The following SLC6A5 variants were observed in gnomAD, a reference collection of about 807,000 sequenced individuals.
SLC6A5 encodes the protein solute carrier family 6 member 5, also known as sodium- and chloride-dependent glycine transporter 2.
A neutral mutation model predicts 90.5 loss-of-function variants in SLC6A5; 58 were observed. That is an observed-to-expected ratio of 0.64 (90% CI 0.52 to 0.80). The LOEUF (loss-of-function observed/expected upper bound fraction) is 0.80. SLC6A5 is among the 30% of genes least tolerant of loss of function. The pLI is 0.00. For synonymous variants in SLC6A5, 427 were observed against 401.4 expected, an observed-to-expected ratio of 1.06 and a Z score of -0.76; for missense variants, 1,015 against 1,017.6, an observed-to-expected ratio of 1.00 and a Z score of 0.03.
At chr11:20,631,709 C>T (rs2133804036) in intron 10 of SLC6A5, among the ~76,000 whole-genome samples, 1 of 152,270 alleles carries the variant, frequency 6.6e-6, no homozygotes, top group East Asian at 1.9e-4. Flanking sequence ...TCATGTGCCT[C>T]ATGCTGTGGG....
intron 6 of SLC6A5, among the ~76,000 whole-genome samples, chr11:20,616,595 A>T (rs1852787096): frequency 6.6e-6 from 1 of 152,186 alleles, no homozygotes; most frequent in South Asian, 2.1e-4. Context: ...GGCATGGGAC[A>T]TGGGGAAGGT....
intron 7 of SLC6A5, among the ~76,000 whole-genome samples, chr11:20,618,878 G>A (rs1196174601): frequency 6.6e-5 from 10 of 151,768 alleles, no homozygotes; most frequent in East Asian, 1.9e-4. Context: ...CGGAGATTGC[G>A]GTGAGCTAAG....
At chr11:20,636,190 G>A in intron 10 of SLC6A5, 117 bp from the exon 11 acceptor site, 1 of 728,304 alleles carries the variant, frequency 1.4e-6, no homozygotes, top group Non-Finnish European at 2.5e-6. Context: ...ACCAACAGTG[G>A]AAGCAGCATA....
Position 20,607,093 on chromosome 11 carries a change from A to G in SLC6A5, c.766A>G (p.Ser256Gly), listed in dbSNP as rs1009087974. 1.1e-5 allele frequency: 17 copies of G among 1,613,970 alleles called. No individual in the cohort carries two copies. The African/African-American group carries it at 1.9e-4, about 18-fold the overall frequency. The part of the protein sequence containing the change: ...FLEVSLGQFA[S>G]QGPVSVWKAI... ...GGAGGTGTCGCTGGGCCAGTTTGCCAGCCAGGGACCAGTGTCTGTGTGGAA... is the reference window on the plus strand; with the variant it reads ...GGAGGTGTCGCTGGGCCAGTTTGCCGGCCAGGGACCAGTGTCTGTGTGGAA... The change falls in exon 4 of 16, where the codon AGC becomes GGC. Residue 256 changes from serine (S) to glycine (G), a missense_variant. Around this residue, in one of 3 missense-constraint regions of SLC6A5, gnomAD observed 567 missense variants for 507.3 expected, o/e 1.12. Transcript: ENST00000525748.
rs764151161 is a variant in SLC6A5 at position 20,601,250 on chromosome 11, C to CG, written c.127dup (p.Ala43GlyfsTer31). 2 of 1,583,206 alleles carry CG rather than the reference C, an allele frequency of 1.3e-6. No individual in the cohort carries two copies. The highest frequency in any genetic ancestry group is 1.7e-6 in the Non-Finnish European group (2 of 1,172,344). On this transcript the variant is annotated frameshift_variant, in exon 2 of 16. Coordinates refer to ENST00000525748, the MANE Select transcript of SLC6A5 (RefSeq NM_004211.5). LOFTEE classifies it high-confidence loss of function. The stretch of plus-strand genomic sequence containing the variant: ...ACGAGCCCGGAGCAGGAGCTTCCCG[C>CG]GGCTGCCGCCCCGCCGCCGCCACGT...
chr11:20,626,756 C>T lies in SLC6A5; in HGVS notation c.1309C>T (p.Leu437Phe). 1 of 1,614,092 alleles carries T rather than the reference C, an allele frequency of 6.2e-7. No individual in the cohort carries two copies. Among genetic ancestry groups the T allele is most frequent in the South Asian group, 1.1e-5 (1 of 91,074 alleles). The change falls in exon 8 of 16, where the codon CTC becomes TTC. Residue 437 changes from leucine (L) to phenylalanine (F), a missense_variant. Coordinates refer to ENST00000525748, the MANE Select transcript of SLC6A5 (RefSeq NM_004211.5). ...CCCGTATGTCGTACTCGTGATCCTC[C>T]TCATCCGAGGAGTCACCCTGCCTGG... ...TFPYVVLVIL[L>F]IRGVTLPGAG... is the part of the protein sequence containing the mutation.
intron 10 of SLC6A5, among the ~76,000 whole-genome samples, chr11:20,632,479 C>T (rs141915283): frequency 1.7e-4 from 26 of 152,194 alleles, no homozygotes; most frequent in African/African-American, 5.5e-4. Context: ...TTCTCCTTTC[C>T]AATGTTTTTT....
intron 10 of SLC6A5, among the ~76,000 whole-genome samples, 198 bp from the exon 11 acceptor site, chr11:20,636,109 A>C (rs1173713290): frequency 6.6e-6 from 1 of 152,164 alleles, no homozygotes; most frequent in Non-Finnish European, 1.5e-5. Flanking sequence ...TGTTGACCTA[A>C]TTCCTTTGGT....
rs767370542 is a variant in SLC6A5 at position 20,614,666 on chromosome 11, C to A, written c.986-13C>A. On this transcript the variant is annotated splice_polypyrimidine_tract_variant and intron_variant, in intron 5 of 15. Coordinates refer to ENST00000525748, the MANE Select transcript of SLC6A5 (RefSeq NM_004211.5). ...GATTTAACTGTGTTTCTATTCTGTC[C>A]TCTCCTAAACAGATTCCTGTGTTAT... 6.2e-7 allele frequency: 1 copy of A among 1,612,108 alleles called. No individual in the cohort carries two copies. Among genetic ancestry groups the A allele is most frequent in the East Asian group, 2.2e-5 (1 of 44,868 alleles).
intron 1 of SLC6A5, among the ~76,000 whole-genome samples, chr11:20,600,384 G>C (rs1027385287): frequency 2.0e-5 from 3 of 149,814 alleles, no homozygotes; most frequent in African/African-American, 2.5e-5. Flanking sequence ...AGAAGAAGAA[G>C]AAGAAGAAGA....
At chr11:20,637,520 T>A (rs1383923617) in intron 12 of SLC6A5, among the ~76,000 whole-genome samples, 1 of 152,176 alleles carries the variant, frequency 6.6e-6, no homozygotes, top group Non-Finnish European at 1.5e-5. Context: ...ATAATTGAGA[T>A]GTAGCCTTAT....
In SLC6A5 at chr11:20,636,389, G is replaced by T; in HGVS notation, c.1707G>T (p.Leu569=). ...LSPFWAIIFF[L]MLLTLGLDTM... The stretch of plus-strand genomic sequence containing the variant: ...CGTTCTGGGCCATCATCTTTTTCCT[G>T]ATGCTCCTCACTCTTGGACTTGACA... The change falls in exon 11 of 16, where the codon CTG becomes CTT. Residue 569 remains leucine (L), a synonymous_variant. Coordinates refer to ENST00000525748, the MANE Select transcript of SLC6A5 (RefSeq NM_004211.5). The T allele has an allele frequency of 6.2e-7, 1 of 1,612,986 alleles. No individual in the cohort carries two copies. Among genetic ancestry groups the T allele is most frequent in the South Asian group, 1.1e-5 (1 of 91,062 alleles).
chr11:20,608,425 C>CTGTA (rs1336258151), intron 5 of SLC6A5, among the ~76,000 whole-genome samples: 2 of 152,288 alleles, frequency 1.3e-5, no homozygotes, highest in African/African-American at 4.8e-5. Context: ...CTGTCACTGA[C>CTGTA]TGTATGTATG....
Position 20,604,316 on chromosome 11 carries a change from C to T in SLC6A5, c.571C>T (p.Arg191Ter), listed in dbSNP as rs376783257. 5.1e-5 allele frequency: 82 copies of T among 1,613,472 alleles called. No individual in the cohort carries two copies. The highest frequency in any genetic ancestry group is 6.4e-5 in the Non-Finnish European group (75 of 1,179,706). ...CGAGCAAGGGGATGAGAATAAGGCC[C>T]GAGGGAACTGGTCCAGCAAACTGGA... ...EDEQGDENKA[R>*]GNWSSKLDFI... The change falls in exon 3 of 16, where the codon CGA becomes TGA. Residue 191 changes from arginine to a stop codon, truncating the protein, a stop_gained. Transcript: ENST00000525748. LOFTEE classifies it high-confidence loss of function.
chr11:20,603,507 G>A (rs545181706), intron 2 of SLC6A5, among the ~76,000 whole-genome samples: 2 of 152,186 alleles, frequency 1.3e-5, no homozygotes, highest in African/African-American at 2.4e-5. Flanking sequence ...AGAGCAAGTG[G>A]CTTGCCTGGG....
intron 5 of SLC6A5, among the ~76,000 whole-genome samples, chr11:20,612,571 G>A (rs1852713715): frequency 6.6e-6 from 1 of 152,198 alleles, no homozygotes; most frequent in African/African-American, 2.4e-5. Flanking sequence ...GGGCTGGAGT[G>A]CAGTGGTGCA....
chr11:20,611,462 AAAAC>A (rs1476495640), intron 5 of SLC6A5, among the ~76,000 whole-genome samples: 1 of 152,220 alleles, frequency 6.6e-6, no homozygotes, highest in Non-Finnish European at 1.5e-5. Flanking sequence ...CAAAAAACAA[AAAAC>A]AAACAAATGA....
At chr11:20,602,823 T>C (rs996896095) in intron 2 of SLC6A5, among the ~76,000 whole-genome samples, 1 of 152,154 alleles carries the variant, frequency 6.6e-6, no homozygotes, top group Non-Finnish European at 1.5e-5. Context: ...ATCCGGAGTG[T>C]TTTTCTATGT....
intron 7 of SLC6A5, among the ~76,000 whole-genome samples, chr11:20,624,205 G>A (rs940017059): frequency 7.3e-5 from 11 of 151,544 alleles, no homozygotes; most frequent in African/African-American, 2.7e-4. Flanking sequence ...TCAGGCTGGA[G>A]TGCAGTGGTG....
Sources: gnomAD v4.1 joint callset for allele counts (sites outside exome capture counted in the v4.1 genomes callset) on GRCh38, gnomAD v4.1.1 for gene constraint, gnomAD v4.1.1 regional missense constraint, MANE v1.5 for transcripts, NCBI Gene and HGNC (gene_info 2026-07-23, HGNC 2026-07-21) for gene names.